KIAA1549: variants seen among roughly 807,000 people sequenced by gnomAD.
KIAA1549 encodes KIAA1549, also known as UPF0606 protein KIAA1549.
Under a neutral mutation model 156.4 loss-of-function variants are expected in KIAA1549, and 70 were observed. The observed-to-expected ratio is 0.45, with a 90% CI of 0.37 to 0.55. The LOEUF (loss-of-function observed/expected upper bound fraction) is 0.55, where lower values mean the gene tolerates loss of function less well. Ranked by LOEUF, KIAA1549 falls within the 20% of genes least tolerant of loss-of-function variation. The probability of loss-of-function intolerance (pLI) is 0.00; values close to 1 mark genes in which losing one functional copy is unlikely to be tolerated. For synonymous variants in KIAA1549, 1,103 were observed against 1,066.4 expected (o/e 1.03, Z -0.67); for missense variants, 2,428 against 2,540.9 (o/e 0.96, Z 0.96).
At position 138,832,736 on chromosome 7, in the gene KIAA1549, A is replaced by G. The variant is rs571583284; in HGVS notation, c.*5170T>C. ...TGCTGTGTTTTAAGATAAATTATCA[A>G]GCCTACTGTCACACACACAAGCATG... is the stretch of plus-strand genomic sequence containing the variant. On this transcript the variant is annotated 3_prime_UTR_variant, in exon 20 of 20. Transcript: ENST00000422774. 4.5e-6 allele frequency: 1 copy of G among 220,702 alleles called. No individual in the cohort carries two copies. The highest frequency in any genetic ancestry group is 1.8e-4 in the South Asian group (1 of 5,422). 13.7% of individuals were successfully genotyped at this position (220,702 alleles called of 1,614,324 possible).
chr7:138,946,364 G>A (rs1243490206), intron 1 of KIAA1549, among the ~76,000 whole-genome samples: 1 of 152,158 alleles, frequency 6.6e-6, no homozygotes, highest in Non-Finnish European at 1.5e-5. Context: ...GAAACACAGG[G>A]CATCTTCAGT....
rs1308164440 is a variant in KIAA1549, at chr7:138,832,083, G to A, written c.*5823C>T. On this transcript the variant is annotated 3_prime_UTR_variant, in exon 20 of 20. Transcript: ENST00000422774. ...AATACTTGAAATCTGGTAAGTACAG[G>A]AAAGACTATTCGTGATGCTCCAAGT... 8.7e-6 allele frequency: 2 copies of A among 229,666 alleles called. No homozygotes were observed. Among genetic ancestry groups the A allele is most frequent in the Non-Finnish European group, 1.7e-5 (2 of 116,012 alleles). 14.2% of individuals were successfully genotyped at this position (229,666 alleles called of 1,614,324 possible).
intron 1 of KIAA1549, among the ~76,000 whole-genome samples, chr7:138,929,332 CT>C (rs1812808617): frequency 6.6e-6 from 1 of 152,218 alleles, no homozygotes; most frequent in Admixed American, 6.5e-5. Flanking sequence ...AAACCACTTT[CT>C]TTGCTCATCC....
intron 10 of KIAA1549, among the ~76,000 whole-genome samples, chr7:138,893,619 A>G (rs1401685856): frequency 6.6e-6 from 1 of 152,240 alleles, no homozygotes. Flanking sequence ...CAAGGTATGT[A>G]TTGTTCGTTT....
chr7:138,841,252 C>T (rs532603150), intron 18 of KIAA1549, among the ~76,000 whole-genome samples: 1 of 152,148 alleles, frequency 6.6e-6, no homozygotes, highest in East Asian at 1.9e-4. Flanking sequence ...TTATTTTTTT[C>T]CCCTTAAAAG....
Position 138,956,470 on chromosome 7 carries a change from AG to A in KIAA1549, c.187+24612del, listed in dbSNP as rs1157014801. Among the ~76,000 whole-genome samples, 9 of 152,272 alleles carry A rather than the reference AG, an allele frequency of 5.9e-5. No homozygotes were observed. In the East Asian group the frequency reaches 1.5e-3, roughly 26 times the overall value. ...TCCCATAATTCCCATGTGTTGTGGG[AG>A]GGATCTGGTGGAAGATAATTGAATC... On this transcript the variant is annotated intron_variant, in intron 1 of 19. Transcript: ENST00000422774.
intron 10 of KIAA1549, among the ~76,000 whole-genome samples, chr7:138,886,024 C>T (rs560464737): frequency 6.1e-4 from 93 of 152,146 alleles, no homozygotes; most frequent in Admixed American, 2.2e-3. Context: ...AAAGCCCCCC[C>T]CCAAATTCGG....
chr7:138,901,660 T>A (rs1370667430), intron 8 of KIAA1549, among the ~76,000 whole-genome samples: 1 of 152,206 alleles, frequency 6.6e-6, no homozygotes, highest in African/African-American at 2.4e-5. Flanking sequence ...CACTAATTTT[T>A]TTTTAAATGA....
chr7:138,839,632 T>C (rs756285014), intron 19 of KIAA1549, among the ~76,000 whole-genome samples: 5 of 152,152 alleles, frequency 3.3e-5, no homozygotes, highest in Non-Finnish European at 5.9e-5. Context: ...AGAAAAATTA[T>C]ATACTTCCTA....
At chr7:138,851,628 ATCT>A (rs143721456) in intron 17 of KIAA1549, among the ~76,000 whole-genome samples, 4,260 of 152,018 alleles carry the variant, frequency 0.028, 199 homozygotes, top group African/African-American at 0.097. Context: ...GAGTGATGTA[ATCT>A]TCTTCTAAAA....
At chr7:138,839,945 G>A (rs897815717) in intron 19 of KIAA1549, among the ~76,000 whole-genome samples, 188 bp downstream of exon 19, 3 of 151,438 alleles carry the variant, frequency 2.0e-5, no homozygotes, top group East Asian at 1.9e-4. Flanking sequence ...CCGTCACCAC[G>A]CCTGGCTAAT....
intron 2 of KIAA1549, among the ~76,000 whole-genome samples, chr7:138,915,626 C>A (rs1812295594): frequency 6.6e-6 from 1 of 151,946 alleles, no homozygotes. Context: ...AAAGACCCAG[C>A]GTGTTCTCCT....
intron 12 of KIAA1549, among the ~76,000 whole-genome samples, 155 bp from the exon 13 acceptor site, chr7:138,871,517 T>C (rs1362015062): frequency 1.3e-5 from 2 of 152,216 alleles, no homozygotes; most frequent in Non-Finnish European, 1.5e-5. Context: ...AATTTCACTC[T>C]CTGAGCTTAA....
chr7:138,954,571 C>T (rs1813605301), intron 1 of KIAA1549, among the ~76,000 whole-genome samples: 1 of 152,186 alleles, frequency 6.6e-6, no homozygotes, highest in South Asian at 2.1e-4. Flanking sequence ...TGGTCTGGTT[C>T]CTCCTCGTCT....
chr7:138,940,023 TTTTTATTATAC>T (rs1171730321), intron 1 of KIAA1549, among the ~76,000 whole-genome samples: 1 of 152,184 alleles, frequency 6.6e-6, no homozygotes, highest in Non-Finnish European at 1.5e-5. Flanking sequence ...AAAAATAATT[TTTTTATTATAC>T]TTTAAGTTTT....
At chr7:138,958,547 G>C (rs1237641268) in intron 1 of KIAA1549, among the ~76,000 whole-genome samples, 1 of 152,198 alleles carries the variant, frequency 6.6e-6, no homozygotes, top group East Asian at 1.9e-4. Context: ...CTTCCCAGCT[G>C]TAAAGTTCTA....
intron 19 of KIAA1549, among the ~76,000 whole-genome samples, chr7:138,839,059 G>A (rs1809832285): frequency 6.6e-6 from 1 of 152,024 alleles, no homozygotes; most frequent in Non-Finnish European, 1.5e-5. Flanking sequence ...AGCTAAGCTG[G>A]GCAAAATGAA....
Position 138,839,957 on chromosome 7 carries a change from T to G in KIAA1549, c.5598+176A>C, listed in dbSNP as rs533961919. ...CACCCGTCACCACGCCTGGCTAATTTTTTTTTGTATTTTTAGTAGAGACGG... is the reference window on the plus strand; with the variant it reads ...CACCCGTCACCACGCCTGGCTAATTGTTTTTTGTATTTTTAGTAGAGACGG... On this transcript the variant is annotated intron_variant, in intron 19 of 19. Coordinates refer to ENST00000422774, the MANE Select transcript of KIAA1549 (RefSeq NM_001164665.2). Among the ~76,000 whole-genome samples, 24 of 151,736 alleles carry G rather than the reference T, an allele frequency of 1.6e-4. No individual in the cohort carries two copies. In the East Asian group the frequency reaches 4.5e-3, roughly 28 times the overall value.
At chr7:138,977,264 A>G (rs925087277) in intron 1 of KIAA1549, among the ~76,000 whole-genome samples, 1 of 152,258 alleles carries the variant, frequency 6.6e-6, no homozygotes, top group Non-Finnish European at 1.5e-5. Context: ...AGATTTAAAT[A>G]CATATCTATG....
Sources: gnomAD v4.1 joint callset for allele counts (sites outside exome capture counted in the v4.1 genomes callset) on GRCh38, gnomAD v4.1.1 for gene constraint, MANE v1.5 for transcripts, NCBI Gene and HGNC (gene_info 2026-07-23, HGNC 2026-07-21) for gene names.